The following SAMD12 variants were observed in gnomAD, a reference collection of about 807,000 sequenced individuals.
The protein encoded by SAMD12 is sterile alpha motif domain containing 12.
In SAMD12, 9 loss-of-function variants were observed where a neutral mutation model predicts 15.0. The observed-to-expected ratio is 0.60, with a 90% CI of 0.36 to 1.05. The LOEUF (loss-of-function observed/expected upper bound fraction) is 1.05, where lower values mean the gene tolerates loss of function less well. Ranked by LOEUF, SAMD12 falls within the 50% of genes least tolerant of loss-of-function variation. The pLI, the probability that SAMD12 is intolerant of heterozygous loss-of-function variation, is 0.01. For missense variants in SAMD12, 230 were observed against 234.2 expected, an observed-to-expected ratio of 0.98 and a Z score of 0.12; for synonymous variants, 86 against 90.1, an observed-to-expected ratio of 0.96 and a Z score of 0.25.
At chr8:118,403,239 A>C (rs1290801875) in intron 3 of SAMD12, among the ~76,000 whole-genome samples, 1 of 152,250 alleles carries the variant, frequency 6.6e-6, no homozygotes, top group Non-Finnish European at 1.5e-5. Context: ...TAATGAAAAC[A>C]AAGAGAAAGG....
At chr8:118,406,424 C>T (rs1414677737) in intron 3 of SAMD12, among the ~76,000 whole-genome samples, 1 of 152,034 alleles carries the variant, frequency 6.6e-6, no homozygotes, top group Non-Finnish European at 1.5e-5. Flanking sequence ...CAGGTGCCAA[C>T]CACCACACCT....
intron 4 of SAMD12, among the ~76,000 whole-genome samples, chr8:118,310,054 C>G (rs1815554428): frequency 6.6e-6 from 1 of 152,230 alleles, no homozygotes; most frequent in Non-Finnish European, 1.5e-5. Flanking sequence ...TTTGTTGTCA[C>G]TTTCAAGAAT....
intron 4 of SAMD12, among the ~76,000 whole-genome samples, chr8:118,233,856 C>T (rs989396109): frequency 6.6e-6 from 1 of 152,130 alleles, no homozygotes; most frequent in Non-Finnish European, 1.5e-5. Flanking sequence ...AAGTTGTTTC[C>T]CATGAGAACA....
intron 2 of SAMD12, among the ~76,000 whole-genome samples, chr8:118,507,305 C>A (rs911149528): frequency 6.6e-6 from 1 of 152,060 alleles, no homozygotes; most frequent in African/African-American, 2.4e-5. Flanking sequence ...ATCTCTCCCT[C>A]CTCTGAACTT....
chr8:118,559,569 G>T (rs1826648470), intron 2 of SAMD12, among the ~76,000 whole-genome samples: 1 of 152,168 alleles, frequency 6.6e-6, no homozygotes, highest in African/African-American at 2.4e-5. Context: ...TAGTGGGAGG[G>T]CTTTTAGCTT....
rs764770050 is a variant in SAMD12 at position 118,378,806 on chromosome 8, C to G, written c.*611G>C. 5 of 985,284 alleles carry G rather than the reference C, an allele frequency of 5.1e-6. No individual in the cohort carries two copies. The highest frequency in any genetic ancestry group is 6.0e-6 in the Non-Finnish European group (5 of 829,920). The allele number at this position is 985,284 out of a possible 1,614,324, so 61.0% of individuals were successfully genotyped here. A position where few individuals can be genotyped will look rare whatever the true frequency, so the allele number is the denominator to read the frequency against. ...GACATATCAGTTACATATAGTGTAA[C>G]TTAAGGCTTTCTTCGAATTCTAGCT... On this transcript the variant is annotated 3_prime_UTR_variant, in exon 4 of 4. Coordinates refer to ENST00000314727, the MANE Select transcript of SAMD12 (RefSeq NM_207506.3).
chr8:118,196,720 A>T (rs1185440707), exon 5 of SAMD12: 1 of 152,182 alleles, frequency 6.6e-6, no homozygotes, highest in African/African-American at 2.4e-5. Flanking sequence ...ACGTCAGACC[A>T]CACAAAAGAA....
At chr8:118,398,053 T>C (rs1351485111) in intron 3 of SAMD12, among the ~76,000 whole-genome samples, 2 of 152,164 alleles carry the variant, frequency 1.3e-5, no homozygotes, top group African/African-American at 4.8e-5. Context: ...GCTCCCAAAG[T>C]GCTGGAACTA....
chr8:118,528,573 G>A (rs1167846697), intron 2 of SAMD12, among the ~76,000 whole-genome samples: 3 of 151,944 alleles, frequency 2.0e-5, no homozygotes, highest in African/African-American at 4.8e-5. Flanking sequence ...ATTTTTTCTG[G>A]TTACTCAATT....
chr8:118,205,636 C>T (rs192321315), intron 4 of SAMD12, among the ~76,000 whole-genome samples: 128 of 152,326 alleles, frequency 8.4e-4, no homozygotes, highest in Non-Finnish European at 1.6e-3. Flanking sequence ...CATTTTTAGA[C>T]GAATACCTAG....
intron 4 of SAMD12, among the ~76,000 whole-genome samples, chr8:118,342,058 G>A (rs1817393564): frequency 1.3e-5 from 2 of 152,310 alleles, no homozygotes; most frequent in East Asian, 1.9e-4. Flanking sequence ...GGGAGGCCAA[G>A]GTGGGCAGAT....
At chr8:118,366,881 T>G (rs796440391) in intron 4 of SAMD12, among the ~76,000 whole-genome samples, 2 of 52,356 alleles carry the variant, frequency 3.8e-5, no homozygotes, top group Non-Finnish European at 9.0e-5. Flanking sequence ...TAAAATAAAA[T>G]AATAAAATAA....
At chr8:118,227,206 T>C (rs953596959) in intron 4 of SAMD12, among the ~76,000 whole-genome samples, 1 of 152,132 alleles carries the variant, frequency 6.6e-6, no homozygotes, top group African/African-American at 2.4e-5. Flanking sequence ...TGAGATCATG[T>C]CTTTTGTGAG....
intron 2 of SAMD12, among the ~76,000 whole-genome samples, chr8:118,511,017 A>T (rs1461573190): frequency 2.0e-5 from 3 of 152,208 alleles, no homozygotes; most frequent in Non-Finnish European, 4.4e-5. Context: ...ACAGTCTGGG[A>T]TATTATATTT....
At chr8:118,494,085 G>T (rs1824530213) in intron 2 of SAMD12, among the ~76,000 whole-genome samples, 1 of 152,110 alleles carries the variant, frequency 6.6e-6, no homozygotes, top group African/African-American at 2.4e-5. Context: ...TGAGCACCAG[G>T]GTCCTTATAA....
At chr8:118,567,345 T>G (rs1826880002) in intron 2 of SAMD12, among the ~76,000 whole-genome samples, 2 of 152,144 alleles carry the variant, frequency 1.3e-5, no homozygotes. Flanking sequence ...CAAGCTTTGA[T>G]GTTTTCCTGT....
chr8:118,283,257 A>T (rs1192686393), intron 4 of SAMD12, among the ~76,000 whole-genome samples: 1 of 152,264 alleles, frequency 6.6e-6, no homozygotes, highest in East Asian at 1.9e-4. Flanking sequence ...ATTCATTTAG[A>T]TCTTATTCCT....
chr8:118,593,364 T>C (rs1915541), intron 1 of SAMD12, among the ~76,000 whole-genome samples: 119,568 of 152,046 alleles, frequency 0.79, 47,099 homozygotes, highest in East Asian at 0.83. Context: ...TTTTCAAATA[T>C]CTTGAATTTA....
chr8:118,610,109 T>C (rs1426310547), intron 1 of SAMD12, among the ~76,000 whole-genome samples: 2 of 152,182 alleles, frequency 1.3e-5, no homozygotes, highest in East Asian at 3.8e-4. Context: ...ACACTAATTG[T>C]GTGCTGGGGT....
Sources: allele counts gnomAD v4.1 joint callset (sites outside exome capture counted in the v4.1 genomes callset), GRCh38; gene constraint gnomAD v4.1.1; transcripts MANE v1.5; gene names NCBI Gene and HGNC (gene_info 2026-07-23, HGNC 2026-07-21).